Variants in GRIP2 observed in about 807,000 individuals in gnomAD.
GRIP2 encodes glutamate receptor-interacting protein 2.
GRIP2 carries 58 observed loss-of-function variants against 108.3 expected under a neutral mutation model. That is an observed-to-expected ratio of 0.54 (90% CI 0.43 to 0.67). GRIP2 has a LOEUF of 0.67. Among genes scored for constraint, GRIP2 ranks in the 30% least tolerant of loss-of-function variants. The pLI, the probability that GRIP2 is intolerant of heterozygous loss-of-function variation, is 0.00. For missense variants in GRIP2, 1,278 were observed against 1,430.6 expected (o/e 0.89, Z 1.72); for synonymous variants, 586 against 598.2 (o/e 0.98, Z 0.30).
the GRIP2 span, among the ~76,000 whole-genome samples, chr3:14,565,497 G>A: frequency 6.6e-6 from 1 of 152,120 alleles, no homozygotes; most frequent in Non-Finnish European, 1.5e-5. Context: ...ATGGCAACAA[G>A]AACCAACCCG....
At chr3:14,541,331 G>T (rs1694964834), upstream of GRIP2, among the ~76,000 whole-genome samples, 1 of 152,222 alleles carries the variant, frequency 6.6e-6, no homozygotes, top group Non-Finnish European at 1.5e-5. Context: ...CTGTACAACT[G>T]CACAGTGCGT....
At chr3:14,564,996 G>A in the GRIP2 span, among the ~76,000 whole-genome samples, 6 of 152,224 alleles carry the variant, frequency 3.9e-5, no homozygotes, top group South Asian at 2.1e-4. Flanking sequence ...ACAGCACCCC[G>A]AGCACAAGGG....
chr3:14,543,291 A>G (rs955076588), upstream of GRIP2, among the ~76,000 whole-genome samples: 1 of 152,224 alleles, frequency 6.6e-6, no homozygotes, highest in South Asian at 2.1e-4. Context: ...CGCCAAATCA[A>G]AAGCTGCATG....
rs1368770957 is a variant in GRIP2, at chr3:14,491,653, A to C, written c.*2012T>G. On this transcript the variant is annotated 3_prime_UTR_variant, in exon 24 of 24. Transcript: ENST00000621039. The stretch of plus-strand genomic sequence containing the variant: ...GGGGGTATTAGTTAGAGTCGGGTGC[A>C]TCTTCCCTCGCCTGGAGTCCTGGAG... 1.3e-5 allele frequency: 2 copies of C among 152,544 alleles called. No individual in the cohort carries two copies. Among genetic ancestry groups the C allele is most frequent in the East Asian group, 1.9e-4 (1 of 5,184 alleles). 9.4% of individuals were successfully genotyped at this position (152,544 alleles called of 1,614,324 possible). A position where few individuals can be genotyped will look rare whatever the true frequency, so the allele number is the denominator to read the frequency against.
intron 10 of GRIP2, 146 bp downstream of exon 10, chr3:14,517,626 C>T (rs558357375): frequency 1.9e-5 from 20 of 1,041,844 alleles, no homozygotes; most frequent in South Asian, 8.0e-5. Flanking sequence ...CTCAGCCTCC[C>T]GAGTGGCTGG....
chr3:14,573,447 C>T, the GRIP2 span: 1 of 1,498,084 alleles, frequency 6.7e-7, no homozygotes, highest in Non-Finnish European at 9.3e-7. Context: ...GAGGGACAGC[C>T]ACAGGCGGTA....
intron 1 of GRIP2, among the ~76,000 whole-genome samples, chr3:14,555,083 A>C (rs192862536): frequency 0.01 from 1,526 of 150,252 alleles, 16 homozygotes; most frequent in African/African-American, 0.035. Context: ...GCTCCTCCCC[A>C]CCCCCACTCC....
intron 1 of GRIP2, among the ~76,000 whole-genome samples, chr3:14,553,362 C>A (rs571049255): frequency 6.6e-6 from 1 of 152,170 alleles, no homozygotes; most frequent in East Asian, 1.9e-4. Context: ...CCGCCCACCT[C>A]GGTCTCCCAA....
the GRIP2 span, among the ~76,000 whole-genome samples, chr3:14,561,496 A>C: frequency 6.6e-6 from 1 of 152,214 alleles, no homozygotes; most frequent in African/African-American, 2.4e-5. Context: ...GCCAGGATTC[A>C]AACACAGGAC....
At chr3:14,570,875 A>G in the GRIP2 span, among the ~76,000 whole-genome samples, 2 of 152,210 alleles carry the variant, frequency 1.3e-5, no homozygotes, top group African/African-American at 4.8e-5. Context: ...GAAATGAAGG[A>G]AACTTTTATG....
intron 1 of GRIP2, among the ~76,000 whole-genome samples, chr3:14,528,335 T>G (rs1043310158): frequency 1.3e-5 from 2 of 152,248 alleles, no homozygotes; most frequent in South Asian, 4.1e-4. Context: ...TGATTTTGAA[T>G]AAAGCCATAA....
the GRIP2 span, among the ~76,000 whole-genome samples, chr3:14,572,611 C>CA: frequency 0.15 from 7,179 of 46,748 alleles, 1,051 homozygotes; most frequent in Middle Eastern, 0.17. Flanking sequence ...GACTCCGTCT[C>CA]AAAAAAAAAA....
chr3:14,599,661 A>G, the GRIP2 span, among the ~76,000 whole-genome samples: 1 of 138,214 alleles, frequency 7.2e-6, no homozygotes, highest in African/African-American at 2.9e-5. Context: ...ATTGAAGCAC[A>G]AGTCTCTCTC....
At chr3:14,530,286 C>A (rs1338866627) in intron 1 of GRIP2, among the ~76,000 whole-genome samples, 3 of 152,236 alleles carry the variant, frequency 2.0e-5, no homozygotes, top group African/African-American at 7.2e-5. Flanking sequence ...TGTCTCTGAG[C>A]CATTAAAACC....
chr3:14,557,372 A>T (rs535554758), upstream of GRIP2, among the ~76,000 whole-genome samples: 20 of 152,204 alleles, frequency 1.3e-4, no homozygotes, highest in Non-Finnish European at 2.5e-4. Context: ...CTTGCAGACA[A>T]ATAATTTTAA....
chr3:14,546,696 T>C (rs1316284525), upstream of GRIP2, among the ~76,000 whole-genome samples: 1 of 152,030 alleles, frequency 6.6e-6, no homozygotes, highest in Non-Finnish European at 1.5e-5. Flanking sequence ...TGACCCCAAG[T>C]TCATGCAGAG....
At chr3:14,532,847 G>A (rs1325964228) in intron 1 of GRIP2, among the ~76,000 whole-genome samples, 1 of 152,168 alleles carries the variant, frequency 6.6e-6, no homozygotes, top group African/African-American at 2.4e-5. Flanking sequence ...CTGAGTTGAG[G>A]GCGGGGCTCA....
the GRIP2 span, among the ~76,000 whole-genome samples, chr3:14,576,268 C>T: frequency 6.6e-6 from 1 of 152,244 alleles, no homozygotes; most frequent in Non-Finnish European, 1.5e-5. Context: ...TCAAAGCTTT[C>T]CTGCATTCAC....
At chr3:14,544,126 C>A (rs1388506862), upstream of GRIP2, among the ~76,000 whole-genome samples, 2 of 152,188 alleles carry the variant, frequency 1.3e-5, no homozygotes, top group African/African-American at 4.8e-5. Flanking sequence ...AGCTGTGTGA[C>A]CCTAGGCAAG....
Sources: gnomAD v4.1 joint callset for allele counts (sites outside exome capture counted in the v4.1 genomes callset) on GRCh38, gnomAD v4.1.1 for gene constraint, MANE v1.5 for transcripts, NCBI Gene and HGNC (gene_info 2026-07-23, HGNC 2026-07-21) for gene names.